TRPC4AP: variants seen among roughly 807,000 people sequenced by gnomAD.
The protein encoded by TRPC4AP is short transient receptor potential channel 4-associated protein.
In TRPC4AP, 45 loss-of-function variants were observed where a neutral mutation model predicts 99.0. The observed-to-expected ratio is 0.45, with a 90% CI of 0.36 to 0.58. The LOEUF is 0.58. Ranked by LOEUF, TRPC4AP falls within the 20% of genes least tolerant of loss-of-function variation. TRPC4AP has a pLI of 0.00. For synonymous variants in TRPC4AP, 408 were observed against 385.8 expected (o/e 1.06, Z -0.67); for missense variants, 879 against 985.3 (o/e 0.89, Z 1.44).
chr20:35,055,671 T>G (rs1398235196), intron 4 of TRPC4AP, among the ~76,000 whole-genome samples: 2 of 152,238 alleles, frequency 1.3e-5, no homozygotes, highest in Non-Finnish European at 2.9e-5. Context: ...CACGCCTGGC[T>G]AAAAGTTAAA....
chr20:35,007,472 T>C, intron 14 of TRPC4AP, 78 bp downstream of exon 14: 2 of 1,422,746 alleles, frequency 1.4e-6, no homozygotes, highest in Non-Finnish European at 2.0e-6. Flanking sequence ...ATGAACTGTT[T>C]GGGGCTCAGG....
chr20:35,021,159 C>T lies in TRPC4AP; in HGVS notation c.1218+31G>A, dbSNP rs1420916024. 7 of 1,599,664 alleles carry T rather than the reference C, an allele frequency of 4.4e-6. No individual in the cohort carries two copies. The East Asian group carries it at 1.3e-4, about 31-fold the overall frequency. ...TGAGCACCCGGGCAGCACCTGCTCC[C>T]CGTGTCCTGAGACGCTGGAGAGGGG... On this transcript the variant is annotated intron_variant, in intron 9 of 18. Transcript: ENST00000252015.
chr20:35,061,479 T>C (rs2084006459), intron 3 of TRPC4AP, among the ~76,000 whole-genome samples: 1 of 152,224 alleles, frequency 6.6e-6, no homozygotes, highest in African/African-American at 2.4e-5. Context: ...ATTGGCAAGC[T>C]GATCCTGAAA....
chr20:35,006,498 C>T lies in TRPC4AP; in HGVS notation c.1764G>A (p.Glu588=), dbSNP rs139975509. The part of the protein sequence containing the change: ...VLQSYFDLLG[E]LMKFNVDAFK... ...ATGCATCAACGTTGAACTTCATCAG[C>T]TCCCCCAGGAGGTCAAAGTAACTCT... The change falls in exon 15 of 19, where the codon GAG becomes GAA. Residue 588 remains glutamate, a synonymous_variant. Transcript: ENST00000252015. The T allele has an allele frequency of 3.8e-3, 6,109 of 1,614,196 alleles. 10 individuals carry two copies. The highest frequency in any genetic ancestry group is 4.6e-3 in the Admixed American group (277 of 60,028).
chr20:35,079,044 C>T lies in TRPC4AP; in HGVS notation c.169-870G>A, dbSNP rs559890189. On this transcript the variant is annotated intron_variant, in intron 1 of 18. Transcript: ENST00000252015. The stretch of plus-strand genomic sequence containing the variant: ...TCGCGCCATGGCACCCCAGCCTGGG[C>T]GACAGACCAAAACTCTGTCTCAAAA... Among the ~76,000 whole-genome samples, 18 of 152,072 alleles carry T rather than the reference C, an allele frequency of 1.2e-4. No individual in the cohort carries two copies. The South Asian group carries it at 3.3e-3, about 28-fold the overall frequency.
At chr20:35,006,831 C>T (rs780014242) in intron 14 of TRPC4AP, among the ~76,000 whole-genome samples, 18 of 152,242 alleles carry the variant, frequency 1.2e-4, no homozygotes, top group Non-Finnish European at 2.2e-4. Flanking sequence ...AGCCTGTGAC[C>T]TGCTCTGTGG....
chr20:35,053,583 G>A (rs566548125), intron 5 of TRPC4AP, among the ~76,000 whole-genome samples: 1 of 152,090 alleles, frequency 6.6e-6, no homozygotes, highest in Non-Finnish European at 1.5e-5. Context: ...TCTGTCATTG[G>A]CTATACATGG....
Position 35,073,029 on chromosome 20 carries a change from T to C in TRPC4AP, c.298-3617A>G, listed in dbSNP as rs138093658. ...TTGTGAGTTGGATTCCTAAGTATTT[T>C]AGTCTCTTTGTAGCAATTGTGAATG... On this transcript the variant is annotated intron_variant, in intron 2 of 18. Coordinates refer to ENST00000252015, the MANE Select transcript of TRPC4AP (RefSeq NM_015638.3). 4.4e-4 allele frequency among the ~76,000 whole-genome samples: 67 copies of C among 152,336 alleles called. 1 individual carries two copies. The highest frequency in any genetic ancestry group is 1.5e-3 in the African/African-American group (61 of 41,568).
At chr20:35,039,882 C>T (rs971076858) in intron 7 of TRPC4AP, among the ~76,000 whole-genome samples, 2 of 151,362 alleles carry the variant, frequency 1.3e-5, no homozygotes, top group Non-Finnish European at 3.0e-5. Flanking sequence ...TAATGACTTA[C>T]GCTATCTTCC....
Position 35,003,158 on chromosome 20 carries a change from G to C in TRPC4AP, c.2382C>G (p.Phe794Leu), listed in dbSNP as rs1250166974. Reference sequence around the variant, plus strand: ...GCCTGGCCCAAGGTCACTCCTCAGTGAAGTCCCTGTCTATGTCCATGTAGG... The same window carrying C: ...GCCTGGCCCAAGGTCACTCCTCAGTCAAGTCCCTGTCTATGTCCATGTAGG... ...EEPYMDIDRD[F>L]TEE is the part of the protein sequence containing the mutation. The change falls in exon 19 of 19, where the codon TTC becomes TTG. Residue 794 changes from phenylalanine to leucine, a missense_variant. By Grantham distance (22) the Phe-to-Leu change is conservative. Transcript: ENST00000252015. 22 of 1,614,082 alleles carry C rather than the reference G, an allele frequency of 1.4e-5. No homozygotes were observed. The highest frequency in any genetic ancestry group is 1.9e-5 in the Non-Finnish European group (22 of 1,180,026).
chr20:35,057,441 A>G (rs2083863341), intron 4 of TRPC4AP, 73 bp downstream of exon 4: 1 of 1,210,784 alleles, frequency 8.3e-7, no homozygotes, highest in Admixed American at 1.9e-5. Flanking sequence ...GGAAGGAAGA[A>G]GGCAGCTGCT....
chr20:35,073,576 ATT>A (rs2084385136), intron 2 of TRPC4AP, among the ~76,000 whole-genome samples: 5 of 152,286 alleles, frequency 3.3e-5, no homozygotes, highest in Admixed American at 6.5e-5. Flanking sequence ...GATTACGTTT[ATT>A]GATTTGCATA....
At chr20:35,019,835 G>A (rs185001148) in intron 9 of TRPC4AP, among the ~76,000 whole-genome samples, 122 of 152,190 alleles carry the variant, frequency 8.0e-4, no homozygotes, top group African/African-American at 2.7e-3. Flanking sequence ...ATATGCTGAG[G>A]ACTCCCAAAG....
intron 3 of TRPC4AP, among the ~76,000 whole-genome samples, chr20:35,066,855 G>T (rs913484950): frequency 3.9e-5 from 6 of 151,976 alleles, no homozygotes; most frequent in Non-Finnish European, 5.9e-5. Flanking sequence ...AGCACTTACA[G>T]ATCAATAAGA....
At chr20:35,027,542 T>G (rs908481884) in intron 8 of TRPC4AP, among the ~76,000 whole-genome samples, 1 of 152,210 alleles carries the variant, frequency 6.6e-6, no homozygotes, top group Non-Finnish European at 1.5e-5. Context: ...AAAGAGTAAG[T>G]TGGGAACTGT....
chr20:35,060,055 T>C (rs913605500), intron 3 of TRPC4AP, among the ~76,000 whole-genome samples: 3 of 151,652 alleles, frequency 2.0e-5, no homozygotes, highest in Non-Finnish European at 2.9e-5. Context: ...AAGAAAAACC[T>C]TGGACATGAT....
At chr20:35,012,958 T>C in intron 11 of TRPC4AP, 50 bp downstream of exon 11, 11 of 1,601,106 alleles carry the variant, frequency 6.9e-6, no homozygotes, top group Non-Finnish European at 9.4e-6. Context: ...GATCGAGGCC[T>C]TCCGAAGACA....
intron 7 of TRPC4AP, among the ~76,000 whole-genome samples, chr20:35,042,444 C>A (rs1044239350): frequency 2.0e-5 from 3 of 152,144 alleles, no homozygotes; most frequent in Non-Finnish European, 2.9e-5. Flanking sequence ...CTCTGCAGAG[C>A]CAGCCTGGGG....
intron 1 of TRPC4AP, among the ~76,000 whole-genome samples, chr20:35,081,142 T>C (rs997604604): frequency 5.9e-5 from 9 of 152,144 alleles, no homozygotes; most frequent in African/African-American, 2.2e-4. Flanking sequence ...AAAAAGCATA[T>C]ATTGTATTAA....
Sources: gnomAD v4.1 joint callset for allele counts (sites outside exome capture counted in the v4.1 genomes callset) on GRCh38, gnomAD v4.1.1 for gene constraint, MANE v1.5 for transcripts, NCBI Gene and HGNC (gene_info 2026-07-23, HGNC 2026-07-21) for gene names.